Variants in C8orf34 observed in about 807,000 individuals in gnomAD.
The protein encoded by C8orf34 is uncharacterized protein C8orf34.
A neutral mutation model predicts 68.3 loss-of-function variants in C8orf34; 65 were observed. The observed-to-expected ratio is 0.95, with a 90% confidence interval of 0.78 to 1.17. The LOEUF (loss-of-function observed/expected upper bound fraction) is 1.17, where lower values mean the gene tolerates loss of function less well. C8orf34 is among the 50% of genes most tolerant of loss of function. The probability of loss-of-function intolerance (pLI) is 0.00; values close to 1 mark genes in which losing one functional copy is unlikely to be tolerated. For synonymous variants in C8orf34, 244 were observed against 241.2 expected (o/e 1.01, Z -0.11); for missense variants, 664 against 655.4 (o/e 1.01, Z -0.14).
At chr8:68,604,392 GTTTAC>G (rs1319589626) in intron 7 of C8orf34, among the ~76,000 whole-genome samples, 1 of 151,776 alleles carries the variant, frequency 6.6e-6, no homozygotes, top group Non-Finnish European at 1.5e-5. Flanking sequence ...GATAAACAAT[GTTTAC>G]TTTATCAGCA....
chr8:68,588,114 T>G (rs1817262157), intron 7 of C8orf34, among the ~76,000 whole-genome samples: 1 of 152,162 alleles, frequency 6.6e-6, no homozygotes. Context: ...AGCCTTTACA[T>G]GTGGTGACTA....
chr8:68,357,447 ATTCCACTCCTATAATCTT>A (rs1806796669), intron 1 of C8orf34, among the ~76,000 whole-genome samples: 1 of 152,210 alleles, frequency 6.6e-6, no homozygotes, highest in African/African-American at 2.4e-5. Context: ...AACTGGCAAC[ATTCCACTCCTATAATCTT>A]CAGATTAGTA....
rs574212522 is a variant in C8orf34 at position 68,770,848 on chromosome 8, C to T, written c.1405-5551C>T. Among the ~76,000 whole-genome samples the T allele has an allele frequency of 3.3e-5, 5 of 152,208 alleles. No individual in the cohort carries two copies. In the South Asian group the frequency reaches 1.0e-3, roughly 32 times the overall value. On this transcript the variant is annotated intron_variant, in intron 10 of 13. Transcript: ENST00000518698. ...CCTTTTAAGGCAAAGGCATTAACCTCTAAAGGAACTGTTTATCTTAACATA... is the reference window on the plus strand; with the variant it reads ...CCTTTTAAGGCAAAGGCATTAACCTTTAAAGGAACTGTTTATCTTAACATA...
At chr8:68,525,615 A>C in intron 6 of C8orf34, 2 of 810,502 alleles carry the variant, frequency 2.5e-6, no homozygotes, top group Non-Finnish European at 4.2e-6. Flanking sequence ...ATGAAACCGA[A>C]CTGGTCAGAT....
chr8:68,704,613 C>G (rs934677207), intron 8 of C8orf34, among the ~76,000 whole-genome samples: 2 of 151,986 alleles, frequency 1.3e-5, no homozygotes, highest in Non-Finnish European at 2.9e-5. Context: ...GAGAAGCTGG[C>G]TAAAATTACT....
chr8:68,677,469 C>T (rs1820227546), intron 8 of C8orf34, among the ~76,000 whole-genome samples: 1 of 152,034 alleles, frequency 6.6e-6, no homozygotes, highest in Non-Finnish European at 1.5e-5. Flanking sequence ...AACAATCCTC[C>T]CACCTCAGCT....
At chr8:68,455,939 A>G (rs1388728388) in intron 3 of C8orf34, among the ~76,000 whole-genome samples, 1 of 151,974 alleles carries the variant, frequency 6.6e-6, no homozygotes, top group East Asian at 1.9e-4. Flanking sequence ...ACAGTTATCA[A>G]TTCATTAAAA....
intron 8 of C8orf34, among the ~76,000 whole-genome samples, chr8:68,708,241 ATTGT>A (rs1398164733): frequency 1.3e-5 from 2 of 152,238 alleles, no homozygotes; most frequent in Non-Finnish European, 2.9e-5. Flanking sequence ...TATAATTTAC[ATTGT>A]TTGTAATTAT....
chr8:68,542,321 G>GA (rs1815729462), intron 7 of C8orf34, among the ~76,000 whole-genome samples: 1 of 152,174 alleles, frequency 6.6e-6, no homozygotes, highest in African/African-American at 2.4e-5. Context: ...ACAATACAGA[G>GA]AATCCACATC....
At chr8:68,546,617 C>G (rs1586355385) in intron 7 of C8orf34, among the ~76,000 whole-genome samples, 2 of 151,610 alleles carry the variant, frequency 1.3e-5, no homozygotes, top group Non-Finnish European at 3.0e-5. Context: ...ATTGGAATAA[C>G]AGTATCAACA....
intron 1 of C8orf34, among the ~76,000 whole-genome samples, chr8:68,427,811 T>G (rs1810292892): frequency 6.6e-6 from 1 of 151,970 alleles, no homozygotes; most frequent in African/African-American, 2.4e-5. Context: ...GAAATGTATA[T>G]GGAACCCCTT....
chr8:68,630,108 T>G (rs553694513), intron 7 of C8orf34, among the ~76,000 whole-genome samples: 1 of 152,192 alleles, frequency 6.6e-6, no homozygotes, highest in East Asian at 1.9e-4. Context: ...TAACTTTTAT[T>G]AATATATTCA....
chr8:68,613,395 A>G (rs1818084124), intron 7 of C8orf34, among the ~76,000 whole-genome samples: 1 of 151,876 alleles, frequency 6.6e-6, no homozygotes, highest in South Asian at 2.1e-4. Context: ...TGCACCAATT[A>G]ACTCGTCATT....
intron 8 of C8orf34, among the ~76,000 whole-genome samples, chr8:68,658,097 T>G (rs17387279): frequency 0.12 from 17,734 of 152,248 alleles, 1,361 homozygotes; most frequent in Middle Eastern, 0.23. Flanking sequence ...TTTTTCCATA[T>G]CAACAATATC....
intron 7 of C8orf34, among the ~76,000 whole-genome samples, chr8:68,639,929 G>A (rs1818954608): frequency 6.6e-6 from 1 of 152,196 alleles, no homozygotes; most frequent in Admixed American, 6.5e-5. Context: ...GTTAGAAACG[G>A]AGGATTTATG....
intron 6 of C8orf34, among the ~76,000 whole-genome samples, chr8:68,528,384 C>T (rs1815103276): frequency 6.6e-6 from 1 of 152,174 alleles, no homozygotes; most frequent in Admixed American, 6.5e-5. Flanking sequence ...TAACTGGGAC[C>T]CCAAAAACAC....
At chr8:68,338,367 T>C (rs561709324) in intron 1 of C8orf34, among the ~76,000 whole-genome samples, 2 of 152,188 alleles carry the variant, frequency 1.3e-5, no homozygotes, top group Non-Finnish European at 2.9e-5. Flanking sequence ...TTGTTTGGAA[T>C]TTCCTGGAAA....
At chr8:68,332,664 G>A (rs967666595) in intron 1 of C8orf34, among the ~76,000 whole-genome samples, 2 of 152,106 alleles carry the variant, frequency 1.3e-5, no homozygotes, top group African/African-American at 4.8e-5. Context: ...GGGAGGACGG[G>A]TTTCACATAA....
chr8:68,805,928 G>T (rs1378209947), intron 12 of C8orf34, among the ~76,000 whole-genome samples: 1 of 151,072 alleles, frequency 6.6e-6, no homozygotes, highest in Non-Finnish European at 1.5e-5. Context: ...CTTCTTTCTT[G>T]CCTTTTTTGG....
Sources: gnomAD v4.1 joint callset for allele counts (sites outside exome capture counted in the v4.1 genomes callset) on GRCh38, gnomAD v4.1.1 for gene constraint, MANE v1.5 for transcripts, NCBI Gene and HGNC (gene_info 2026-07-23, HGNC 2026-07-21) for gene names.